ROBO2: variants seen among roughly 807,000 people sequenced by gnomAD.
ROBO2 encodes roundabout homolog 2.
Under a neutral mutation model 160.8 loss-of-function variants are expected in ROBO2, and 53 were observed. The ratio of observed to expected loss-of-function variants is 0.33; its 90% CI spans 0.26 to 0.41. ROBO2 has a LOEUF of 0.41. Among genes scored for constraint, ROBO2 ranks in the 10% least tolerant of loss-of-function variants. The pLI is 1.00. For synonymous variants in ROBO2, 664 were observed against 611.7 expected (o/e 1.09, Z -1.26); for missense variants, 1,577 against 1,722.4 (o/e 0.92, Z 1.49).
chr3:76,268,736 C>T (rs1366884625), intron 2 of ROBO2, among the ~76,000 whole-genome samples: 1 of 152,116 alleles, frequency 6.6e-6, no homozygotes, highest in African/African-American at 2.4e-5. Context: ...TATTATTTAT[C>T]ATCATTTCCT....
chr3:76,179,943 A>G (rs113699781), intron 2 of ROBO2, among the ~76,000 whole-genome samples: 4,353 of 152,228 alleles, frequency 0.029, 142 homozygotes, highest in Middle Eastern at 0.082. Context: ...TTACAACTAT[A>G]GAACCGGTAC....
intron 2 of ROBO2, among the ~76,000 whole-genome samples, chr3:76,881,704 G>C (rs1231409234): frequency 1.3e-5 from 2 of 152,188 alleles, no homozygotes; most frequent in Non-Finnish European, 2.9e-5. Context: ...TAGGTCAATA[G>C]TTTTCTCTTA....
intron 6 of ROBO2, among the ~76,000 whole-genome samples, chr3:77,525,597 A>T (rs2091060322): frequency 6.6e-6 from 1 of 151,172 alleles, no homozygotes; most frequent in Non-Finnish European, 1.5e-5. Context: ...AAATGACAAC[A>T]CAAACTGCGT....
At chr3:75,958,346 A>G (rs1948790326) in intron 2 of ROBO2, among the ~76,000 whole-genome samples, 1 of 151,766 alleles carries the variant, frequency 6.6e-6, no homozygotes, top group South Asian at 2.1e-4. Flanking sequence ...CAGCACTCTT[A>G]TAGGAATAGA....
intron 2 of ROBO2, among the ~76,000 whole-genome samples, chr3:76,606,715 T>G (rs1178522103): frequency 5.9e-5 from 9 of 152,030 alleles, no homozygotes; most frequent in Non-Finnish European, 1.3e-4. Context: ...GTTTTTTAGT[T>G]TGTAAAAGAA....
intron 2 of ROBO2, among the ~76,000 whole-genome samples, chr3:76,631,626 G>C (rs2090036809): frequency 7.7e-6 from 1 of 130,534 alleles, no homozygotes; most frequent in African/African-American, 2.9e-5. Flanking sequence ...GTTTGGAAAG[G>C]CATATTTTAA....
At chr3:77,596,800 T>C (rs767746048) in intron 19 of ROBO2, 50 bp downstream of exon 20, 2 of 1,597,336 alleles carry the variant, frequency 1.3e-6, no homozygotes, top group Admixed American at 1.7e-5. Context: ...TCTCTCTTTT[T>C]TTTTTTTTGA....
intron 2 of ROBO2, among the ~76,000 whole-genome samples, chr3:77,475,267 C>G (rs1000356984): frequency 1.3e-5 from 2 of 152,166 alleles, no homozygotes; most frequent in African/African-American, 4.8e-5. Flanking sequence ...CCTAAAATTA[C>G]AGTTGATGTT....
At chr3:76,727,900 G>T (rs1037279083) in intron 2 of ROBO2, among the ~76,000 whole-genome samples, 2 of 152,100 alleles carry the variant, frequency 1.3e-5, no homozygotes, top group East Asian at 1.9e-4. Context: ...TGGAAGAGAT[G>T]ATTTGAAATG....
At chr3:77,548,715 A>C (rs1414876558) in intron 7 of ROBO2, among the ~76,000 whole-genome samples, 1 of 151,994 alleles carries the variant, frequency 6.6e-6, no homozygotes, top group Admixed American at 6.6e-5. Flanking sequence ...TAAAATCTTA[A>C]GTCTAGTTTT....
chr3:76,487,629 A>C (rs2079570135), intron 2 of ROBO2, among the ~76,000 whole-genome samples: 2 of 152,098 alleles, frequency 1.3e-5, no homozygotes, highest in Non-Finnish European at 2.9e-5. Context: ...GTTCGAGCCT[A>C]GTTTACTTAG....
At chr3:76,225,940 A>C (rs1704258611) in intron 2 of ROBO2, among the ~76,000 whole-genome samples, 1 of 152,154 alleles carries the variant, frequency 6.6e-6, no homozygotes, top group Non-Finnish European at 1.5e-5. Flanking sequence ...ATATGGACCA[A>C]TTGCAAATAT....
chr3:76,678,164 T>A (rs1490472164), intron 2 of ROBO2, among the ~76,000 whole-genome samples: 1 of 151,360 alleles, frequency 6.6e-6, no homozygotes, highest in Non-Finnish European at 1.5e-5. Flanking sequence ...AGAGACAGGG[T>A]TTCGCCATGT....
intron 2 of ROBO2, among the ~76,000 whole-genome samples, chr3:75,963,707 A>T (rs143534794): frequency 6.6e-6 from 1 of 151,814 alleles, no homozygotes; most frequent in African/African-American, 2.4e-5. Context: ...ATTTTCTCAC[A>T]GTTCTAGAGG....
intron 21 of ROBO2, 99 bp downstream of exon 22, chr3:77,608,053 G>GC (rs1450541408): frequency 8.9e-7 from 1 of 1,123,884 alleles, no homozygotes; most frequent in South Asian, 1.3e-5. Flanking sequence ...TGTTTCCTTT[G>GC]CCCCCCACCA....
intron 2 of ROBO2, among the ~76,000 whole-genome samples, chr3:77,274,637 T>C (rs1426511318): frequency 6.6e-6 from 1 of 152,144 alleles, no homozygotes; most frequent in African/African-American, 2.4e-5. Context: ...GAGATTGAAT[T>C]ACATGGAAAG....
chr3:77,246,503 G>C (rs1378472972), intron 2 of ROBO2, among the ~76,000 whole-genome samples: 5 of 152,018 alleles, frequency 3.3e-5, no homozygotes, highest in African/African-American at 1.2e-4. Context: ...TAGTGGTCAG[G>C]CCAGGTCTAA....
At chr3:75,995,478 G>A (rs2065699343) in intron 2 of ROBO2, among the ~76,000 whole-genome samples, 1 of 152,184 alleles carries the variant, frequency 6.6e-6, no homozygotes, top group Non-Finnish European at 1.5e-5. Flanking sequence ...CTAGATTTCA[G>A]AAAATGTATG....
At chr3:76,404,074 A>T (rs868822034) in intron 2 of ROBO2, among the ~76,000 whole-genome samples, 4 of 151,624 alleles carry the variant, frequency 2.6e-5, no homozygotes, top group Non-Finnish European at 5.9e-5. Flanking sequence ...CAAAGTTTGT[A>T]TCTCTTATTG....
Sources: allele counts gnomAD v4.1 joint callset (sites outside exome capture counted in the v4.1 genomes callset), GRCh38; gene constraint gnomAD v4.1.1; transcripts MANE v1.5; gene names NCBI Gene and HGNC (gene_info 2026-07-23, HGNC 2026-07-21).